Variants in CPM observed in about 807,000 individuals in gnomAD.
The protein encoded by CPM is carboxypeptidase M.
In CPM, 35 loss-of-function variants were observed where a neutral mutation model predicts 46.4. The observed-to-expected ratio is 0.75, with a 90% CI of 0.58 to 1.00. CPM has a LOEUF of 1.00. Among genes scored for constraint, CPM ranks in the 50% least tolerant of loss-of-function variants. CPM has a pLI of 0.00. For missense variants in CPM, 422 were observed against 530.4 expected, an observed-to-expected ratio of 0.80 and a Z score of 2.01; for synonymous variants, 195 against 195.3, an observed-to-expected ratio of 1.00 and a Z score of 0.01.
intron 2 of CPM, among the ~76,000 whole-genome samples, chr12:68,897,794 C>G (rs1886943710): frequency 6.6e-6 from 1 of 150,556 alleles, no homozygotes; most frequent in African/African-American, 2.4e-5. Flanking sequence ...AGTTATTGTC[C>G]ATTTGAGGTT....
At position 68,885,843 on chromosome 12, in the gene CPM, G is replaced by A; in HGVS notation, c.207C>T (p.His69=). ...ATTTGAACTCTGGAATCCCAATTCTGTGTTCCTTTGGAAACCGCCCCACAA... is the reference window on the plus strand; with the variant it reads ...ATTTGAACTCTGGAATCCCAATTCTATGTTCCTTTGGAAACCGCCCCACAA... The part of the protein sequence containing the change: ...VLVVGRFPKE[H]RIGIPEFKYV... Residue 69 remains histidine (H), a synonymous_variant, in exon 3 of 9, where the codon CAC becomes CAT. Coordinates refer to ENST00000551568, the MANE Select transcript of CPM (RefSeq NM_198320.5). 4 of 1,614,084 alleles carry A rather than the reference G, an allele frequency of 2.5e-6. No individual in the cohort carries two copies. The African/African-American group carries it at 5.3e-5, about 22-fold the overall frequency.
At chr12:68,871,571 G>C (rs1268747540) in intron 4 of CPM, 6 of 567,914 alleles carry the variant, frequency 1.1e-5, no homozygotes, top group Non-Finnish European at 1.9e-5. Flanking sequence ...GGAGAGGCTA[G>C]GTGGGCACCG....
At chr12:68,859,774 G>A (rs1034032489) in intron 7 of CPM, among the ~76,000 whole-genome samples, 12 of 152,270 alleles carry the variant, frequency 7.9e-5, no homozygotes, top group Non-Finnish European at 1.6e-4. Flanking sequence ...CAGCCTAGCC[G>A]TCAACCCATG....
intron 3 of CPM, among the ~76,000 whole-genome samples, chr12:68,875,534 G>A (rs537660931): frequency 2.0e-5 from 3 of 151,856 alleles, no homozygotes; most frequent in South Asian, 2.1e-4. Context: ...AGCTGGGCGC[G>A]GTGGCTCATT....
chr12:68,909,286 C>CA (rs936842444), intron 2 of CPM, among the ~76,000 whole-genome samples: 1 of 152,150 alleles, frequency 6.6e-6, no homozygotes, highest in Non-Finnish European at 1.5e-5. Flanking sequence ...GCCCTGGCCT[C>CA]AAACAATCCT....
Position 68,890,596 on chromosome 12 carries a change from A to C in CPM, c.161-4707T>G, listed in dbSNP as rs537221432. On this transcript the variant is annotated intron_variant, in intron 2 of 8. Coordinates refer to ENST00000551568, the MANE Select transcript of CPM (RefSeq NM_198320.5). ...CTAAGGCTGCCTCAATGTCCCTGAA[A>C]GTACTAGACAGGCCAAAGCCAACCC... Among the ~76,000 whole-genome samples the C allele has an allele frequency of 1.7e-4, 26 of 149,322 alleles. No individual in the cohort carries two copies. In the South Asian group the frequency reaches 4.6e-3, roughly 27 times the overall value.
At chr12:68,908,546 C>G (rs1015964824) in intron 2 of CPM, among the ~76,000 whole-genome samples, 10 of 152,054 alleles carry the variant, frequency 6.6e-5, no homozygotes, top group African/African-American at 2.4e-4. Flanking sequence ...GTCATACATA[C>G]TTTTTAAAAA....
In CPM at chr12:68,855,173, AG is replaced by A. The variant is rs1884909311; in HGVS notation, c.*1263del. ...CCATGCCTGGCCAACACCAACCTTT[AG>A]TTACTTGCTGAATACACAGGATTAA... On this transcript the variant is annotated 3_prime_UTR_variant, in exon 9 of 9. Coordinates refer to ENST00000551568, the MANE Select transcript of CPM (RefSeq NM_198320.5). 1 of 152,122 alleles carries A rather than the reference AG, an allele frequency of 6.6e-6. No homozygotes were observed. The highest frequency in any genetic ancestry group is 1.5e-5 in the Non-Finnish European group (1 of 68,088). The allele number at this position is 152,122 out of a possible 1,614,324, so 9.4% of individuals were successfully genotyped here.
intron 2 of CPM, among the ~76,000 whole-genome samples, chr12:68,887,071 G>T (rs1886467846): frequency 6.6e-6 from 1 of 152,136 alleles, no homozygotes; most frequent in Non-Finnish European, 1.5e-5. Flanking sequence ...ACTGAACTCT[G>T]GTCTATTTGA....
intron 2 of CPM, among the ~76,000 whole-genome samples, chr12:68,887,242 T>A (rs1005410647): frequency 6.6e-6 from 1 of 152,230 alleles, no homozygotes; most frequent in Non-Finnish European, 1.5e-5. Context: ...ATATCCGTCA[T>A]GTATGTACAA....
intron 2 of CPM, among the ~76,000 whole-genome samples, chr12:68,903,883 T>C (rs867365282): frequency 6.7e-6 from 1 of 148,624 alleles, no homozygotes; most frequent in Non-Finnish European, 1.5e-5. Flanking sequence ...TCTCTCATTC[T>C]TTCTTTCTTT....
Position 68,876,893 on chromosome 12 carries a change from C to CAT in CPM, c.259-4938_259-4937insAT, listed in dbSNP as rs1555194744. 4.7e-3 allele frequency among the ~76,000 whole-genome samples: 694 copies of CAT among 148,340 alleles called. 8 individuals are homozygous for CAT. Among genetic ancestry groups the CAT allele is most frequent in the African/African-American group, 0.016 (654 of 40,068 alleles). On this transcript the variant is annotated intron_variant, in intron 3 of 8. Transcript: ENST00000551568. ...GTGTGTGTGTGTGTGCACGCGCATG[C>CAT]GTGTGTGTGTGTGTGTGTGTGTGTG...
chr12:68,858,387 A>T (rs1258715346), intron 8 of CPM, among the ~76,000 whole-genome samples: 1 of 152,154 alleles, frequency 6.6e-6, no homozygotes, highest in Non-Finnish European at 1.5e-5. Context: ...ACTCAGAAAT[A>T]TATATTTTAT....
chr12:68,958,121 T>C lies in CPM; in HGVS notation c.-4+5048A>G, dbSNP rs531412867. Among the ~76,000 whole-genome samples, 63 of 152,312 alleles carry C rather than the reference T, an allele frequency of 4.1e-4. No individual in the cohort carries two copies. In the South Asian group the frequency reaches 6.9e-3, roughly 17 times the overall value. ...GGACATTTGGGTTGGTTCCAAGTCT[T>C]TGCTATTGTGAATAGTGCCGCAATA... On this transcript the variant is annotated intron_variant, in intron 1 of 8. Transcript: ENST00000546373.
intron 6 of CPM, among the ~76,000 whole-genome samples, chr12:68,868,698 T>TC (rs1885564424): frequency 6.6e-6 from 1 of 152,166 alleles, no homozygotes; most frequent in African/African-American, 2.4e-5. Flanking sequence ...GGGGCCCTCC[T>TC]CCCACTGTAT....
chr12:68,843,338 A>G (rs2136188787), intron 5 of CPM: 2 of 230,336 alleles, frequency 8.7e-6, no homozygotes, highest in Non-Finnish European at 1.7e-5. Flanking sequence ...TAGTTAATGT[A>G]TTGAATGTTC....
At chr12:68,874,564 C>T (rs939814757) in intron 3 of CPM, among the ~76,000 whole-genome samples, 4 of 151,870 alleles carry the variant, frequency 2.6e-5, no homozygotes, top group East Asian at 3.9e-4. Context: ...TGCAATGAGC[C>T]GAGATCGCGC....
At chr12:68,958,244 C>T (rs926867520) in intron 1 of CPM, among the ~76,000 whole-genome samples, 12 of 152,124 alleles carry the variant, frequency 7.9e-5, no homozygotes, top group African/African-American at 1.2e-4. Context: ...ACTTCTAGTT[C>T]TAGATCCTTG....
intron 1 of CPM, among the ~76,000 whole-genome samples, chr12:68,962,026 C>T (rs1428397251): frequency 2.6e-5 from 4 of 151,846 alleles, no homozygotes; most frequent in Non-Finnish European, 4.4e-5. Flanking sequence ...CGGTGAAACC[C>T]TGTCTCCACT....
Sources: gnomAD v4.1 joint callset for allele counts (sites outside exome capture counted in the v4.1 genomes callset) on GRCh38, gnomAD v4.1.1 for gene constraint, MANE v1.5 for transcripts, NCBI Gene and HGNC (gene_info 2026-07-23, HGNC 2026-07-21) for gene names.